TULP4: variants seen among roughly 807,000 people sequenced by gnomAD.
The protein encoded by TULP4 is tubby-related protein 4.
Under a neutral mutation model 129.0 loss-of-function variants are expected in TULP4, and 16 were observed. That is an observed-to-expected ratio of 0.12 (90% CI 0.08 to 0.19). TULP4 has a LOEUF of 0.19. TULP4 is among the 10% of genes least tolerant of loss of function. The probability of loss-of-function intolerance (pLI) is 1.00; values close to 1 mark genes in which losing one functional copy is unlikely to be tolerated. For missense variants in TULP4, 1,842 were observed against 2,059.1 expected (o/e 0.89, Z 2.04); for synonymous variants, 998 against 854.0 (o/e 1.17, Z -2.94).
intron 1 of TULP4, among the ~76,000 whole-genome samples, chr6:158,325,899 T>TC: frequency 2.8e-5 from 2 of 70,478 alleles, no homozygotes; most frequent in African/African-American, 1.1e-4. Flanking sequence ...TCTCCCCCCC[T>TC]CCCCCCACCT....
chr6:158,337,029 C>CCTTCTT (rs1183470044), intron 1 of TULP4, among the ~76,000 whole-genome samples: 1,294 of 6,624 alleles, frequency 0.2, 26 homozygotes, highest in African/African-American at 0.3. Context: ...AATTTTCTTT[C>CCTTCTT]TTTCTTTTTC....
At chr6:158,280,228 A>T (rs1335720624), upstream of TULP4, among the ~76,000 whole-genome samples, 1 of 152,196 alleles carries the variant, frequency 6.6e-6, no homozygotes, top group Admixed American at 6.5e-5. Flanking sequence ...CTTAAAAAAA[A>T]CTTATACATT....
chr6:158,425,178 A>G (rs1411314424), intron 2 of TULP4, among the ~76,000 whole-genome samples: 1 of 142,738 alleles, frequency 7.0e-6, no homozygotes, highest in Non-Finnish European at 1.6e-5. Flanking sequence ...AAAAAAAAAA[A>G]AAGACAATGT....
Position 158,502,587 on chromosome 6 carries a change from C to T in TULP4, c.2924C>T (p.Ala975Val), listed in dbSNP as rs760798414. Reference sequence around the variant, plus strand: ...CAGCTGGCCCAGGGGCGGGGGGCTGCCCAGAGGTCCGACAATAGCCTCATC... The same window carrying T: ...CAGCTGGCCCAGGGGCGGGGGGCTGTCCAGAGGTCCGACAATAGCCTCATC... ...ASQLAQGRGA[A>V]QRSDNSLIHA... Residue 975 changes from alanine to valine, a missense_variant, in exon 13 of 14, where the codon GCC (alanine) becomes GTC (valine). Coordinates refer to ENST00000367097, the MANE Select transcript of TULP4 (RefSeq NM_020245.5). 24 of 1,602,186 alleles carry T rather than the reference C, an allele frequency of 1.5e-5. No homozygotes were observed. In the South Asian group the frequency reaches 2.5e-4, roughly 17 times the overall value.
intron 3 of TULP4, among the ~76,000 whole-genome samples, chr6:158,435,144 T>C (rs1778723239): frequency 6.6e-6 from 1 of 152,206 alleles, no homozygotes; most frequent in Non-Finnish European, 1.5e-5. Flanking sequence ...TTTTAAATCA[T>C]CTTAAGACAA....
At chr6:158,444,539 A>G (rs1341229853) in intron 3 of TULP4, among the ~76,000 whole-genome samples, 1 of 152,174 alleles carries the variant, frequency 6.6e-6, no homozygotes, top group East Asian at 1.9e-4. Context: ...GGAAGCATGT[A>G]TTATTGAAGT....
upstream of TULP4, among the ~76,000 whole-genome samples, chr6:158,309,291 C>T (rs1435501585): frequency 2.9e-5 from 4 of 137,444 alleles, no homozygotes; most frequent in Non-Finnish European, 6.3e-5. Context: ...ACATCCCAGA[C>T]GGGGCGGCGG....
At chr6:158,277,230 C>T (rs539764583) in intron 1 of TULP4, among the ~76,000 whole-genome samples, 5 of 152,298 alleles carry the variant, frequency 3.3e-5, no homozygotes, top group Admixed American at 1.3e-4. Flanking sequence ...CGTGAGCCAC[C>T]ATGCCCAGCC....
intron 9 of TULP4, among the ~76,000 whole-genome samples, chr6:158,492,149 C>T (rs374417277): frequency 1.3e-5 from 2 of 152,214 alleles, no homozygotes; most frequent in African/African-American, 4.8e-5. Context: ...TGAGCCACCG[C>T]ACCCAGCCAA....
intron 1 of TULP4, among the ~76,000 whole-genome samples, chr6:158,245,497 A>G (rs547479281): frequency 2.6e-5 from 4 of 152,134 alleles, no homozygotes; most frequent in Non-Finnish European, 5.9e-5. Flanking sequence ...CAGATAGCCT[A>G]TGTAGACATT....
intron 1 of TULP4, among the ~76,000 whole-genome samples, chr6:158,269,365 T>C (rs1349466197): frequency 4.1e-5 from 6 of 147,064 alleles, no homozygotes; most frequent in African/African-American, 1.0e-4. Context: ...CTTTGAACTT[T>C]AGTTTCAGCA....
intron 1 of TULP4, among the ~76,000 whole-genome samples, chr6:158,380,894 C>CAAAAAAAAA (rs1227720723): frequency 1.2e-3 from 85 of 72,180 alleles, no homozygotes; most frequent in South Asian, 1.7e-3. Flanking sequence ...ACTCTGTCTC[C>CAAAAAAAAA]AAAAAAAAAA....
At chr6:158,431,576 T>G (rs945936572) in intron 3 of TULP4, among the ~76,000 whole-genome samples, 2 of 152,206 alleles carry the variant, frequency 1.3e-5, no homozygotes, top group African/African-American at 4.8e-5. Context: ...AGACCTCTCC[T>G]TACACAGAAT....
At chr6:158,504,278 G>A (rs914896702) in intron 13 of TULP4, 100 bp downstream of exon 13, 7 of 961,698 alleles carry the variant, frequency 7.3e-6, no homozygotes, top group Admixed American at 5.7e-5. Flanking sequence ...TGGGAAATGT[G>A]GAAAACAACG....
intron 1 of TULP4, among the ~76,000 whole-genome samples, chr6:158,332,737 A>G (rs1779940558): frequency 6.6e-6 from 1 of 152,154 alleles, no homozygotes; most frequent in African/African-American, 2.4e-5. Flanking sequence ...TCATACCTTC[A>G]TGGCATCTTC....
chr6:158,397,124 C>T (rs561703622), intron 1 of TULP4, among the ~76,000 whole-genome samples: 47 of 152,208 alleles, frequency 3.1e-4, no homozygotes, highest in Non-Finnish European at 6.6e-4. Context: ...CCTGGAAGAC[C>T]ACCACCAGCA....
rs1473981470 is a variant in TULP4, at chr6:158,503,493, G to A, written c.3830G>A (p.Gly1277Asp). Reference protein sequence around the residue: ...SACPPMQNPQGTLPPKPHLVV... With the variant: ...SACPPMQNPQDTLPPKPHLVV... ...TGCCCGCCCATGCAGAACCCCCAGG[G>A]CACTCTCCCCCCAAAGCCACACTTG... Residue 1277 changes from glycine (G) to aspartate (D), a missense_variant, in exon 13 of 14, where the codon GGC becomes GAC. Coordinates refer to ENST00000367097, the MANE Select transcript of TULP4 (RefSeq NM_020245.5). The surrounding 1 kb of genome is among the most constrained non-coding windows in gnomAD (Gnocchi z 4.3). 3 of 1,613,852 alleles carry A rather than the reference G, an allele frequency of 1.9e-6. No homozygotes were observed. Among genetic ancestry groups the A allele is most frequent in the Non-Finnish European group, 2.5e-6 (3 of 1,179,978 alleles).
upstream of TULP4, among the ~76,000 whole-genome samples, chr6:158,308,400 T>C (rs1411045074): frequency 6.7e-6 from 1 of 148,250 alleles, no homozygotes; most frequent in East Asian, 1.9e-4. Flanking sequence ...CATGTCTACT[T>C]CTTTCTACAC....
At chr6:158,439,105 A>C (rs1778822319) in intron 3 of TULP4, among the ~76,000 whole-genome samples, 1 of 152,004 alleles carries the variant, frequency 6.6e-6, no homozygotes, top group South Asian at 2.1e-4. Context: ...CAGGAGGCGG[A>C]AGTTGCAGTG....
Sources: allele counts gnomAD v4.1 joint callset (sites outside exome capture counted in the v4.1 genomes callset), GRCh38; gene constraint gnomAD v4.1.1; non-coding constraint Gnocchi (gnomAD v3.1); transcripts MANE v1.5; gene names NCBI Gene and HGNC (gene_info 2026-07-23, HGNC 2026-07-21).